Variants in APBA2 observed in about 807,000 individuals in gnomAD.
The protein encoded by APBA2 is amyloid-beta A4 precursor protein-binding family A member 2.
In APBA2, 30 loss-of-function variants were observed where a neutral mutation model predicts 75.0. That is an observed-to-expected ratio of 0.40 (90% confidence interval 0.30 to 0.54). The LOEUF is 0.54. Ranked by LOEUF, APBA2 falls within the 20% of genes least tolerant of loss-of-function variation. The probability of loss-of-function intolerance (pLI) is 0.49; values close to 1 mark genes in which losing one functional copy is unlikely to be tolerated. For missense variants in APBA2, 801 were observed against 1,016.1 expected (o/e 0.79, Z 2.88); for synonymous variants, 444 against 409.6 (o/e 1.08, Z -1.01).
intron 2 of APBA2, among the ~76,000 whole-genome samples, chr15:28,936,139 C>T (rs926134406): frequency 2.0e-5 from 3 of 152,124 alleles, no homozygotes; most frequent in African/African-American, 7.2e-5. Context: ...GCATTAGAAG[C>T]GGCCCTGTAC....
chr15:29,051,203 G>T (rs1363275286), intron 3 of APBA2, among the ~76,000 whole-genome samples: 1 of 152,180 alleles, frequency 6.6e-6, no homozygotes, highest in African/African-American at 2.4e-5. Flanking sequence ...CAGTGTTCTT[G>T]ATGTGTCCTC....
intron 2 of APBA2, among the ~76,000 whole-genome samples, chr15:28,925,756 C>T (rs1235081529): frequency 6.6e-6 from 1 of 152,150 alleles, no homozygotes; most frequent in Non-Finnish European, 1.5e-5. Context: ...CTATCAATTA[C>T]TGACAGGTCT....
At position 29,117,140 on chromosome 15, in the gene APBA2, C is replaced by A; in HGVS notation, c.*7C>A. 6.2e-7 allele frequency: 1 copy of A among 1,612,768 alleles called. No homozygotes were observed. The highest frequency in any genetic ancestry group is 8.5e-7 in the Non-Finnish European group (1 of 1,179,708). On this transcript the variant is annotated 3_prime_UTR_variant, in exon 15 of 15. Coordinates refer to ENST00000683413, the MANE Select transcript of APBA2 (RefSeq NM_001353788.2). ...GACCCCGCTGTACATCTAGGCCACC[C>A]CAGCCTGGCCACGCAGCCAGGACAC...
At chr15:29,089,786 A>G (rs2043468956) in intron 6 of APBA2, among the ~76,000 whole-genome samples, 1 of 152,324 alleles carries the variant, frequency 6.6e-6, no homozygotes, top group Non-Finnish European at 1.5e-5. Context: ...CTATGTGAGT[A>G]AGATATACGG....
chr15:29,038,220 G>T (rs1336677670), intron 3 of APBA2, among the ~76,000 whole-genome samples: 1 of 152,126 alleles, frequency 6.6e-6, no homozygotes, highest in Non-Finnish European at 1.5e-5. Context: ...TCTTCGTTTT[G>T]GTGTTGGGGG....
intron 10 of APBA2, among the ~76,000 whole-genome samples, chr15:29,104,835 A>G (rs1467145819): frequency 6.6e-6 from 1 of 152,186 alleles, no homozygotes; most frequent in Admixed American, 6.5e-5. Flanking sequence ...TGCAATGCCA[A>G]CAGTTTGGGA....
chr15:29,075,091 A>T (rs923092201), intron 5 of APBA2, 90 bp downstream of exon 5: 2 of 995,534 alleles, frequency 2.0e-6, no homozygotes, highest in Non-Finnish European at 3.1e-6. Flanking sequence ...CACTTTGTCC[A>T]TGATGTTCTC....
intron 13 of APBA2, among the ~76,000 whole-genome samples, chr15:29,110,492 A>G (rs1441455283): frequency 1.3e-5 from 2 of 152,154 alleles, no homozygotes; most frequent in Non-Finnish European, 2.9e-5. Flanking sequence ...CCTGCAGGAG[A>G]GGCTGGCTTT....
intron 3 of APBA2, among the ~76,000 whole-genome samples, chr15:29,021,131 G>A (rs1167412474): frequency 6.6e-6 from 1 of 152,064 alleles, no homozygotes; most frequent in Non-Finnish European, 1.5e-5. Flanking sequence ...GGATGTTAAG[G>A]TAATAGGAGA....
rs552619163 is a variant in APBA2, at chr15:29,101,842, C to T, written c.1524+58C>T. 1.6e-4 allele frequency: 257 copies of T among 1,566,988 alleles called. 3 individuals carry two copies. The South Asian group carries it at 2.3e-3, about 14-fold the overall frequency. On this transcript the variant is annotated intron_variant, in intron 10 of 14. Transcript: ENST00000683413. ...CAAAGTTCACAGCCCAGGGCGGCTC[C>T]AGGATCCAGGCGCTGTGGAAACCAC...
chr15:29,032,117 C>G (rs983628651), intron 3 of APBA2, among the ~76,000 whole-genome samples: 1 of 152,182 alleles, frequency 6.6e-6, no homozygotes, highest in Admixed American at 6.5e-5. Context: ...TCTTTTTTGC[C>G]CCTGTCTCCC....
chr15:29,117,755 C>T lies in APBA2; in HGVS notation c.*622C>T, dbSNP rs2045292672. ...TTAGATGCTATTATTACTGTTTGGA[C>T]TTTTATTTTGGCAGGCTTTTTTCCA... On this transcript the variant is annotated 3_prime_UTR_variant, in exon 15 of 15. Transcript: ENST00000683413. 6.6e-6 allele frequency: 1 copy of T among 152,226 alleles called. No individual in the cohort carries two copies. The highest frequency in any genetic ancestry group is 2.4e-5 in the African/African-American group (1 of 41,356). 9.4% of individuals were successfully genotyped at this position (152,226 alleles called of 1,614,324 possible). A position where few individuals can be genotyped will look rare whatever the true frequency, so the allele number is the denominator to read the frequency against.
chr15:28,983,758 G>T (rs1292456222), intron 2 of APBA2, among the ~76,000 whole-genome samples: 1 of 152,204 alleles, frequency 6.6e-6, no homozygotes. Flanking sequence ...ACGCTCCTTA[G>T]TAGCCCAAGA....
chr15:29,099,845 TGA>T (rs2044029853), intron 9 of APBA2, among the ~76,000 whole-genome samples: 1 of 152,232 alleles, frequency 6.6e-6, no homozygotes, highest in Admixed American at 6.5e-5. Context: ...TGAACATCTC[TGA>T]ACCTCCTAAT....
chr15:28,950,595 C>G (rs2035808801), intron 2 of APBA2, among the ~76,000 whole-genome samples: 2 of 151,056 alleles, frequency 1.3e-5, no homozygotes, highest in African/African-American at 4.9e-5. Context: ...CCACTGCACT[C>G]CACCCTAGGC....
At chr15:29,114,409 C>A (rs1479995532) in intron 14 of APBA2, among the ~76,000 whole-genome samples, 2 of 152,186 alleles carry the variant, frequency 1.3e-5, no homozygotes, top group South Asian at 2.1e-4. Flanking sequence ...GAACCCCCCA[C>A]AGTCCAGTTC....
chr15:28,886,638 C>A (rs1014622215), intron 1 of APBA2, among the ~76,000 whole-genome samples: 10 of 152,128 alleles, frequency 6.6e-5, no homozygotes, highest in African/African-American at 2.4e-4. Flanking sequence ...TCCTGCCGGG[C>A]TGGCCGGGCT....
At position 28,984,048 on chromosome 15, in the gene APBA2, G is replaced by A. The variant is rs758550527; in HGVS notation, c.-94-11705G>A. Among the ~76,000 whole-genome samples the A allele has an allele frequency of 7.2e-5, 11 of 152,306 alleles. 1 individual carries two copies. In the East Asian group the frequency reaches 2.1e-3, roughly 30 times the overall value. On this transcript the variant is annotated intron_variant, in intron 2 of 14. Coordinates refer to ENST00000683413, the MANE Select transcript of APBA2 (RefSeq NM_001353788.2). ...AGGCCGTGCAGACACTCACACTTTG[G>A]TGTGAGGCGTGCCCTCGGTTGATCA... is the stretch of plus-strand genomic sequence containing the variant.
intron 2 of APBA2, among the ~76,000 whole-genome samples, chr15:28,969,672 G>A (rs952518788): frequency 3.3e-5 from 5 of 152,222 alleles, no homozygotes; most frequent in African/African-American, 9.6e-5. Context: ...GGTGTCCGGA[G>A]TTGGAGGTGG....
Sources: allele counts gnomAD v4.1 joint callset (sites outside exome capture counted in the v4.1 genomes callset), GRCh38; gene constraint gnomAD v4.1.1; transcripts MANE v1.5; gene names NCBI Gene and HGNC (gene_info 2026-07-23, HGNC 2026-07-21).